The following TEAD1 variants were observed in gnomAD, a reference collection of about 807,000 sequenced individuals.
The protein encoded by TEAD1 is transcriptional enhancer factor TEF-1.
Under a neutral mutation model 54.9 loss-of-function variants are expected in TEAD1, and 9 were observed. The ratio of observed to expected loss-of-function variants is 0.16; its 90% CI spans 0.10 to 0.29. TEAD1 has a LOEUF of 0.29. TEAD1 is among the 10% of genes least tolerant of loss of function. The probability of loss-of-function intolerance (pLI) is 1.00; values close to 1 mark genes in which losing one functional copy is unlikely to be tolerated. For synonymous variants in TEAD1, 200 were observed against 187.8 expected (o/e 1.07, Z -0.53); for missense variants, 387 against 535.9 (o/e 0.72, Z 2.74).
chr11:12,808,068 C>T (rs1443166451), intron 3 of TEAD1, among the ~76,000 whole-genome samples: 1 of 152,130 alleles, frequency 6.6e-6, no homozygotes, highest in African/African-American at 2.4e-5. Context: ...ATATAGTACA[C>T]AGCCTCAGAA....
At chr11:12,890,510 G>C (rs1040587369) in intron 9 of TEAD1, among the ~76,000 whole-genome samples, 37 of 152,196 alleles carry the variant, frequency 2.4e-4, no homozygotes, top group African/African-American at 8.0e-4. Context: ...GAGATTTGGG[G>C]CAGATTACCG....
intron 11 of TEAD1, among the ~76,000 whole-genome samples, chr11:12,926,808 C>G (rs1434852120): frequency 6.6e-6 from 1 of 152,080 alleles, no homozygotes; most frequent in Non-Finnish European, 1.5e-5. Flanking sequence ...AACATAATGT[C>G]TAGGAAGCCC....
chr11:12,913,544 T>C (rs545161122), intron 10 of TEAD1, among the ~76,000 whole-genome samples: 55 of 152,364 alleles, frequency 3.6e-4, no homozygotes, highest in African/African-American at 9.4e-4. Flanking sequence ...CTTGGACATA[T>C]GATGCCTTTT....
At position 12,722,647 on chromosome 11, in the gene TEAD1, T is replaced by C. The variant is rs1001421141; in HGVS notation, c.-54-41532T>C. Among the ~76,000 whole-genome samples, 14 of 139,852 alleles carry C rather than the reference T, an allele frequency of 1.0e-4. No homozygotes were observed. In the Middle Eastern group the frequency reaches 0.017, roughly 175 times the overall value. The allele number at this position is 139,852 out of a possible 152,430, so 91.7% of individuals were successfully genotyped here. Reference sequence around the variant, plus strand: ...TATATACCCTGTGATTTCTCTCTCTTTCTTTTTTTTTTTTTTTCACAAAAA... The same window carrying C: ...TATATACCCTGTGATTTCTCTCTCTCTCTTTTTTTTTTTTTTTCACAAAAA... On this transcript the variant is annotated intron_variant, in intron 2 of 12. Transcript: ENST00000527636.
intron 2 of TEAD1, among the ~76,000 whole-genome samples, chr11:12,680,545 C>A (rs1943198345): frequency 6.6e-6 from 1 of 152,200 alleles, no homozygotes. Context: ...TAGCTGGGAG[C>A]CTGCCTGGCT....
intron 3 of TEAD1, among the ~76,000 whole-genome samples, chr11:12,781,511 C>G (rs1169606805): frequency 2.6e-5 from 4 of 151,940 alleles, no homozygotes; most frequent in Non-Finnish European, 2.9e-5. Context: ...GACAGAGGAT[C>G]TGACTGGACC....
At chr11:12,833,590 A>G (rs1047535935) in intron 3 of TEAD1, among the ~76,000 whole-genome samples, 2 of 152,130 alleles carry the variant, frequency 1.3e-5, no homozygotes, top group Non-Finnish European at 2.9e-5. Flanking sequence ...AGAGAGCCAG[A>G]ACGTTAGTTA....
chr11:12,818,936 T>C (rs1262009152), intron 3 of TEAD1, among the ~76,000 whole-genome samples: 1 of 152,226 alleles, frequency 6.6e-6, no homozygotes, highest in Non-Finnish European at 1.5e-5. Context: ...ACACAAAACA[T>C]AGGCTAGAGT....
chr11:12,737,708 A>G (rs1191386362), intron 2 of TEAD1, among the ~76,000 whole-genome samples: 1 of 152,202 alleles, frequency 6.6e-6, no homozygotes, highest in Non-Finnish European at 1.5e-5. Context: ...TTGGAGGGAA[A>G]AAAAGAGGAA....
chr11:12,874,055 A>G (rs1044160941), intron 5 of TEAD1, among the ~76,000 whole-genome samples: 5 of 152,204 alleles, frequency 3.3e-5, no homozygotes, highest in African/African-American at 7.2e-5. Flanking sequence ...ATGGACTTCT[A>G]TATGAATAAA....
intron 3 of TEAD1, among the ~76,000 whole-genome samples, chr11:12,769,476 G>C (rs1022933129): frequency 6.6e-6 from 1 of 152,148 alleles, no homozygotes; most frequent in African/African-American, 2.4e-5. Flanking sequence ...ACCTGTGGTC[G>C]CTACACTCCT....
intron 2 of TEAD1, among the ~76,000 whole-genome samples, chr11:12,742,976 GC>G (rs1372389226): frequency 2.6e-5 from 4 of 152,174 alleles, no homozygotes; most frequent in African/African-American, 7.2e-5. Context: ...TTCCAGAGTG[GC>G]CCGTGGTCCA....
At chr11:12,898,194 T>G in intron 9 of TEAD1, among the ~76,000 whole-genome samples, 1 of 152,106 alleles carries the variant, frequency 6.6e-6, no homozygotes, top group East Asian at 1.9e-4. Context: ...TGGTTATGAG[T>G]GGGCCATTAT....
At chr11:12,811,292 C>G (rs1423149676) in intron 3 of TEAD1, among the ~76,000 whole-genome samples, 2 of 152,172 alleles carry the variant, frequency 1.3e-5, no homozygotes, top group Admixed American at 6.5e-5. Flanking sequence ...AGTTTTCTTT[C>G]ATAAGAATCC....
chr11:12,790,999 C>T (rs1945790322), intron 3 of TEAD1, among the ~76,000 whole-genome samples: 1 of 152,198 alleles, frequency 6.6e-6, no homozygotes, highest in Non-Finnish European at 1.5e-5. Context: ...TAGGTATTTA[C>T]CCAAGAGAAA....
chr11:12,719,698 G>A (rs954998330), intron 2 of TEAD1, among the ~76,000 whole-genome samples: 5 of 152,102 alleles, frequency 3.3e-5, no homozygotes, highest in African/African-American at 7.2e-5. Context: ...TTTAATCTGG[G>A]TGAAGCCGTG....
intron 8 of TEAD1, 126 bp downstream of exon 8, chr11:12,882,083 C>T: frequency 2.0e-6 from 2 of 1,024,092 alleles, no homozygotes; most frequent in Non-Finnish European, 3.0e-6. Flanking sequence ...CCCTGACTTG[C>T]AGGATCCTTG....
chr11:12,881,990 C>G (rs753413867), intron 8 of TEAD1, 33 bp downstream of exon 8: 11 of 1,603,058 alleles, frequency 6.9e-6, no homozygotes, highest in Non-Finnish European at 9.4e-6. Context: ...TTTGGGAGCA[C>G]AGCCCCACAC....
chr11:12,890,919 C>T (rs2134112405), intron 9 of TEAD1, among the ~76,000 whole-genome samples: 1 of 152,274 alleles, frequency 6.6e-6, no homozygotes, highest in East Asian at 1.9e-4. Context: ...CATGTACCAT[C>T]ATGCCTGGCT....
Sources: gnomAD v4.1 joint callset for allele counts (sites outside exome capture counted in the v4.1 genomes callset) on GRCh38, gnomAD v4.1.1 for gene constraint, MANE v1.5 for transcripts, NCBI Gene and HGNC (gene_info 2026-07-23, HGNC 2026-07-21) for gene names.